Variants in PPP2R2A observed in about 807,000 individuals in gnomAD.
PPP2R2A encodes protein phosphatase 2 regulatory subunit Balpha.
In PPP2R2A, 9 loss-of-function variants were observed where a neutral mutation model predicts 53.2. The observed-to-expected ratio is 0.17, with a 90% confidence interval of 0.10 to 0.30. The LOEUF is 0.30. PPP2R2A is among the 10% of genes least tolerant of loss of function. The pLI is 1.00. For missense variants in PPP2R2A, 235 were observed against 534.6 expected (o/e 0.44, Z 5.53); for synonymous variants, 169 against 174.2 (o/e 0.97, Z 0.23).
intron 2 of PPP2R2A, 65 bp downstream of exon 2, chr8:26,293,805 AT>A: frequency 6.9e-7 from 1 of 1,445,912 alleles, no homozygotes; most frequent in Non-Finnish European, 9.7e-7. Flanking sequence ...CTACTGGAGG[AT>A]TTCCTTGAAG....
In PPP2R2A at chr8:26,291,686, C is replaced by T. The variant is rs1345215139; in HGVS notation, c.-134C>T. ...CGCCCCTCCTTCCTTTTCCCCCCGG[C>T]CCCCGTCCCCTCCCCCCGCAGGTGC... On this transcript the variant is annotated 5_prime_UTR_variant, in exon 1 of 10. Transcript: ENST00000380737. 2.3e-5 allele frequency: 11 copies of T among 478,978 alleles called. No homozygotes were observed. Among genetic ancestry groups the T allele is most frequent in the Non-Finnish European group, 3.8e-5 (10 of 262,354 alleles). 29.7% of individuals were successfully genotyped at this position (478,978 alleles called of 1,614,324 possible). A position where few individuals can be genotyped will look rare whatever the true frequency, so the allele number is the denominator to read the frequency against.
intron 2 of PPP2R2A, among the ~76,000 whole-genome samples, chr8:26,310,933 C>T (rs555508552): frequency 3.3e-5 from 5 of 152,162 alleles, no homozygotes; most frequent in East Asian, 1.9e-4. Flanking sequence ...GCCCTTTTCC[C>T]CTTCTGAATC....
Position 26,313,043 on chromosome 8 carries a change from CTTTTTTTTT to C in PPP2R2A, c.82+19308_82+19316del, listed in dbSNP as rs200047800. ...GTTTATTTTCATATTTCTTTTTTTT[CTTTTTTTTT>C]TTTTGAGATGAAATCTTGTTCTGTC... is the stretch of plus-strand genomic sequence containing the variant. On this transcript the variant is annotated intron_variant, in intron 2 of 9. Coordinates refer to ENST00000380737, the MANE Select transcript of PPP2R2A (RefSeq NM_002717.4). Among the ~76,000 whole-genome samples, 5 of 142,116 alleles carry C rather than the reference CTTTTTTTTT, an allele frequency of 3.5e-5. No homozygotes were observed. In the East Asian group the frequency reaches 1.0e-3, roughly 29 times the overall value. 93.2% of individuals were successfully genotyped at this position (142,116 alleles called of 152,430 possible).
rs1351180720 is a variant in PPP2R2A, at chr8:26,354,743, G to A, written c.346+110G>A. The A allele has an allele frequency of 2.8e-6, 3 of 1,055,360 alleles. No homozygotes were observed. Among genetic ancestry groups the A allele is most frequent in the African/African-American group, 3.3e-5 (2 of 61,362 alleles). 65.4% of individuals were successfully genotyped at this position (1,055,360 alleles called of 1,614,324 possible). A position where few individuals can be genotyped will look rare whatever the true frequency, so the allele number is the denominator to read the frequency against. ...AGAGATACTTGTAAAAAGGACTTTT[G>A]TTTTTCTATACAGAATGTAAACTCT... On this transcript the variant is annotated intron_variant, in intron 4 of 9. Transcript: ENST00000380737. This position sits in a 1 kb window ranked among gnomAD's most constrained non-coding sequence, Gnocchi z 4.6.
At chr8:26,315,604 C>T (rs1444671415) in intron 2 of PPP2R2A, among the ~76,000 whole-genome samples, 1 of 152,124 alleles carries the variant, frequency 6.6e-6, no homozygotes, top group Admixed American at 6.6e-5. Context: ...ATGTTTCAAC[C>T]AATAGCTGTT....
chr8:26,304,856 TA>T (rs1801942277), intron 2 of PPP2R2A, among the ~76,000 whole-genome samples: 1 of 152,174 alleles, frequency 6.6e-6, no homozygotes, highest in African/African-American at 2.4e-5. Context: ...AAATGAGCAT[TA>T]TTTTTTTTTC....
intron 9 of PPP2R2A, among the ~76,000 whole-genome samples, chr8:26,368,550 C>T (rs535166899): frequency 6.6e-6 from 1 of 152,284 alleles, no homozygotes; most frequent in Non-Finnish European, 1.5e-5. Flanking sequence ...TAAATATTTG[C>T]TTAAAATGTT....
At chr8:26,325,718 T>G (rs1803054946) in intron 2 of PPP2R2A, among the ~76,000 whole-genome samples, 1 of 152,252 alleles carries the variant, frequency 6.6e-6, no homozygotes. Context: ...CTCTTTGGCC[T>G]TGGTACTTTA....
Position 26,291,654 on chromosome 8 carries a change from G to A in PPP2R2A, c.-166G>A. The stretch of plus-strand genomic sequence containing the variant: ...GTGAAATCTAGCATCCTGCCGGCTG[G>A]TCTGCCCGCCCCTCCTTCCTTTTCC... On this transcript the variant is annotated 5_prime_UTR_variant, in exon 1 of 10. Transcript: ENST00000380737. The A allele has an allele frequency of 1.5e-6, 1 of 660,322 alleles. No homozygotes were observed. Among genetic ancestry groups the A allele is most frequent in the East Asian group, 3.3e-5 (1 of 30,462 alleles). 40.9% of individuals were successfully genotyped at this position (660,322 alleles called of 1,614,324 possible). A position where few individuals can be genotyped will look rare whatever the true frequency, so the allele number is the denominator to read the frequency against.
intron 6 of PPP2R2A, among the ~76,000 whole-genome samples, chr8:26,361,531 A>G (rs904127375): frequency 1.3e-5 from 2 of 152,214 alleles, no homozygotes; most frequent in South Asian, 4.1e-4. Context: ...ACTTGAGGCC[A>G]GGAGTTCAAG....
Position 26,370,272 on chromosome 8 carries a change from C to T in PPP2R2A, c.1203C>T (p.Gly401=). 6.2e-7 allele frequency: 1 copy of T among 1,614,108 alleles called. No individual in the cohort carries two copies. The highest frequency in any genetic ancestry group is 8.5e-7 in the Non-Finnish European group (1 of 1,179,998). ...AGCCTCGCAAAGTCTGTGCAAGTGG[C>T]AAGCGAAAGAAAGATGAAATAAGTG... ...VLKPRKVCAS[G]KRKKDEISVD... The change falls in exon 10 of 10, where the codon GGC becomes GGT. Residue 401 remains glycine, a synonymous_variant. Transcript: ENST00000380737. This position sits in a 1 kb window ranked among gnomAD's most constrained non-coding sequence, Gnocchi z 6.1.
intron 2 of PPP2R2A, among the ~76,000 whole-genome samples, chr8:26,304,777 A>G (rs1801938621): frequency 6.6e-6 from 1 of 152,342 alleles, no homozygotes; most frequent in South Asian, 2.1e-4. Context: ...GCAACATGCA[A>G]AAATGTTTGT....
intron 2 of PPP2R2A, among the ~76,000 whole-genome samples, chr8:26,323,755 A>T (rs979590300): frequency 6.6e-6 from 1 of 152,010 alleles, no homozygotes; most frequent in African/African-American, 2.4e-5. Flanking sequence ...GTTCTAGTTT[A>T]CCTTCCTGGA....
At chr8:26,293,284 G>A in intron 1 of PPP2R2A, 1 of 1,532,918 alleles carries the variant, frequency 6.5e-7, no homozygotes, top group Non-Finnish European at 8.7e-7. Context: ...ATGTTTCATG[G>A]TAGTTTAACC....
chr8:26,341,615 T>TC (rs1420700289), intron 3 of PPP2R2A, among the ~76,000 whole-genome samples: 3 of 152,226 alleles, frequency 2.0e-5, no homozygotes, highest in Admixed American at 2.0e-4. Context: ...CGATTTTCAA[T>TC]CCAACTATTA....
intron 2 of PPP2R2A, chr8:26,333,538 C>G (rs944151614): frequency 8.3e-7 from 1 of 1,205,750 alleles, no homozygotes; most frequent in African/African-American, 1.5e-5. Flanking sequence ...CAAAGAGTGA[C>G]TCCATAAAGT....
chr8:26,327,887 C>A (rs892781534), intron 2 of PPP2R2A, among the ~76,000 whole-genome samples: 1 of 152,114 alleles, frequency 6.6e-6, no homozygotes, highest in Non-Finnish European at 1.5e-5. Context: ...ATATTCTAAC[C>A]ATTGGAACAA....
chr8:26,302,282 T>C lies in PPP2R2A; in HGVS notation c.82+8542T>C, dbSNP rs910678303. ...GAAATTTGAGCTTTCAAGCAAAAAT[T>C]AGAATTTTGGAAAACACGTCTCTGC... On this transcript the variant is annotated intron_variant, in intron 2 of 9. Coordinates refer to ENST00000380737, the MANE Select transcript of PPP2R2A (RefSeq NM_002717.4). Among the ~76,000 whole-genome samples the C allele has an allele frequency of 1.5e-4, 23 of 152,240 alleles. 1 individual carries two copies. Among genetic ancestry groups the C allele is most frequent in the Admixed American group, 1.4e-3 (22 of 15,280 alleles).
chr8:26,334,381 A>G (rs1375243526), intron 2 of PPP2R2A, among the ~76,000 whole-genome samples: 1 of 152,194 alleles, frequency 6.6e-6, no homozygotes, highest in African/African-American at 2.4e-5. Flanking sequence ...TGCTTTTAAA[A>G]AACATGATAC....
Sources: allele counts gnomAD v4.1 joint callset (sites outside exome capture counted in the v4.1 genomes callset), GRCh38; gene constraint gnomAD v4.1.1; non-coding constraint Gnocchi (gnomAD v3.1); transcripts MANE v1.5; gene names NCBI Gene and HGNC (gene_info 2026-07-23, HGNC 2026-07-21).